The following PLXNA4 variants were observed in gnomAD, a reference collection of about 807,000 sequenced individuals.
PLXNA4 encodes plexin A4.
PLXNA4 carries 44 observed loss-of-function variants against 191.8 expected under a neutral mutation model. The ratio of observed to expected loss-of-function variants is 0.23; its 90% confidence interval spans 0.18 to 0.29. PLXNA4 has a LOEUF of 0.29. PLXNA4 is among the 10% of genes least tolerant of loss of function. The pLI, the probability that PLXNA4 is intolerant of heterozygous loss-of-function variation, is 1.00. For missense variants in PLXNA4, 1,800 were observed against 2,488.8 expected (o/e 0.72, Z 5.89); for synonymous variants, 1,082 against 1,009.5 (o/e 1.07, Z -1.36).
At chr7:132,269,762 T>C (rs1308365730) in intron 4 of PLXNA4, among the ~76,000 whole-genome samples, 1 of 152,216 alleles carries the variant, frequency 6.6e-6, no homozygotes, top group African/African-American at 2.4e-5. Flanking sequence ...CTTCATTTTG[T>C]TGTCCTTTTC....
At chr7:132,635,406 CCT>C (rs1186844349) in intron 2 of PLXNA4, among the ~76,000 whole-genome samples, 1 of 151,874 alleles carries the variant, frequency 6.6e-6, no homozygotes, top group African/African-American at 2.4e-5. Flanking sequence ...GGATATGGCC[CCT>C]GTCCCCAGGA....
chr7:132,623,494 T>C (rs1803312655), intron 2 of PLXNA4, among the ~76,000 whole-genome samples: 1 of 152,124 alleles, frequency 6.6e-6, no homozygotes, highest in African/African-American at 2.4e-5. Context: ...AATGGGACTT[T>C]AAAAAGGACT....
intron 2 of PLXNA4, among the ~76,000 whole-genome samples, chr7:132,608,518 A>G (rs1336331008): frequency 6.6e-6 from 1 of 152,188 alleles, no homozygotes; most frequent in Non-Finnish European, 1.5e-5. Flanking sequence ...TCTCAGAGAA[A>G]GCTGGCCCAA....
chr7:132,413,905 C>A (rs560081585), intron 3 of PLXNA4, among the ~76,000 whole-genome samples: 255 of 152,304 alleles, frequency 1.7e-3, no homozygotes, highest in Non-Finnish European at 2.9e-3. Context: ...CAACATGTAG[C>A]CATCAAGCTG....
intron 20 of PLXNA4, 123 bp from the exon 21 acceptor site, chr7:132,175,043 C>A (rs1170144116): frequency 1.4e-6 from 2 of 1,430,380 alleles, no homozygotes; most frequent in African/African-American, 1.4e-5. Flanking sequence ...CCACGATGGG[C>A]GGGAATAACT....
chr7:132,601,329 TGA>T (rs1263318317), intron 2 of PLXNA4, among the ~76,000 whole-genome samples: 1 of 151,450 alleles, frequency 6.6e-6, no homozygotes, highest in Non-Finnish European at 1.5e-5. Flanking sequence ...GTAGAGCCCG[TGA>T]GAGATTCCCC....
chr7:132,292,371 C>T (rs1002752677), intron 4 of PLXNA4, among the ~76,000 whole-genome samples: 1 of 152,136 alleles, frequency 6.6e-6, no homozygotes, highest in Non-Finnish European at 1.5e-5. Context: ...AGAGCAGCCC[C>T]TGCCCACCAA....
chr7:132,507,785 A>T lies in PLXNA4; in HGVS notation c.909T>A (p.Ser303Arg). Residue 303 changes from serine (S) to arginine (R), a missense_variant, in exon 2 of 32, where the codon AGT becomes AGA. Around this residue, in one of 6 missense-constraint regions of PLXNA4, gnomAD observed 1,397 missense variants for 1,880.4 expected, o/e 0.74. Transcript: ENST00000321063. ...CCTGCAGCAGGCGGTACTCCACCCCACTGCGCTCACAGCCAATGGGCACCT... is the reference window on the plus strand; with the variant it reads ...CCTGCAGCAGGCGGTACTCCACCCCTCTGCGCTCACAGCCAATGGGCACCT... Reference protein sequence around the residue: ...YVEVPIGCERSGVEYRLLQAA... With the variant: ...YVEVPIGCERRGVEYRLLQAA... 1 of 1,614,108 alleles carries T rather than the reference A, an allele frequency of 6.2e-7. No individual in the cohort carries two copies. Among genetic ancestry groups the T allele is most frequent in the East Asian group, 2.2e-5 (1 of 44,880 alleles).
intron 9 of PLXNA4, among the ~76,000 whole-genome samples, chr7:132,217,897 C>CTTTTTTTT: frequency 2.3e-5 from 1 of 43,422 alleles, no homozygotes; most frequent in Non-Finnish European, 3.7e-5. Flanking sequence ...GCTGGATTTG[C>CTTTTTTTT]TTTTTTTTTT....
At chr7:132,629,855 CTCT>C (rs1205381969) in intron 2 of PLXNA4, among the ~76,000 whole-genome samples, 2 of 148,400 alleles carry the variant, frequency 1.3e-5, no homozygotes, top group Non-Finnish European at 3.0e-5. Context: ...AGTGTCTCTT[CTCT>C]TTTTTTTTTG....
At chr7:132,184,234 G>C (rs537149930) in intron 16 of PLXNA4, among the ~76,000 whole-genome samples, 1 of 152,308 alleles carries the variant, frequency 6.6e-6, no homozygotes, top group South Asian at 2.1e-4. Flanking sequence ...GGAGGGGGCT[G>C]AGCCAGGCAG....
chr7:132,208,120 T>C (rs144200492), intron 10 of PLXNA4, among the ~76,000 whole-genome samples: 3 of 152,330 alleles, frequency 2.0e-5, no homozygotes, highest in African/African-American at 4.8e-5. Flanking sequence ...AGATATTTGA[T>C]GGAAATTGCT....
chr7:132,413,657 ATG>A (rs1794550924), intron 3 of PLXNA4, among the ~76,000 whole-genome samples: 1 of 152,340 alleles, frequency 6.6e-6, no homozygotes, highest in Middle Eastern at 3.4e-3. Context: ...CTGCTGGTTT[ATG>A]TGTGTGGCCC....
Position 132,182,137 on chromosome 7 carries a change from GGGTTCTGTATGA to G in PLXNA4, c.3200_3211del (p.Leu1067_Asn1070del). 2 of 1,614,184 alleles carry G rather than the reference GGGTTCTGTATGA, an allele frequency of 1.2e-6. No individual in the cohort carries two copies. The highest frequency in any genetic ancestry group is 1.7e-6 in the Non-Finnish European group (2 of 1,180,042). On this transcript the variant is annotated inframe_deletion, in exon 17 of 32. Transcript: ENST00000321063. The stretch of plus-strand genomic sequence containing the variant: ...CCCTCCATGCTTGGCACGGATCTGG[GGGTTCTGTATGA>G]GGTCCAGGTGGGTCCCCCATACGGC...
At chr7:132,279,225 A>T (rs921486383) in intron 4 of PLXNA4, among the ~76,000 whole-genome samples, 7 of 152,332 alleles carry the variant, frequency 4.6e-5, no homozygotes, top group Middle Eastern at 3.4e-3. Flanking sequence ...CAGCTGGAAG[A>T]TACCTTGTTC....
chr7:132,273,259 A>C (rs909320914), intron 4 of PLXNA4, among the ~76,000 whole-genome samples: 2 of 152,020 alleles, frequency 1.3e-5, no homozygotes, highest in African/African-American at 4.8e-5. Context: ...ATAATACACT[A>C]AGCTCACACT....
intron 2 of PLXNA4, among the ~76,000 whole-genome samples, chr7:132,621,532 T>C (rs1479149306): frequency 1.3e-5 from 2 of 152,218 alleles, no homozygotes; most frequent in African/African-American, 4.8e-5. Flanking sequence ...GTGCTGGGAT[T>C]ACAGGCATGA....
intron 1 of PLXNA4, among the ~76,000 whole-genome samples, chr7:132,538,285 G>T (rs140451461): frequency 6.6e-6 from 1 of 152,120 alleles, no homozygotes; most frequent in Non-Finnish European, 1.5e-5. Context: ...GGAGACACTC[G>T]GGCCCCATGA....
intron 30 of PLXNA4, among the ~76,000 whole-genome samples, chr7:132,134,990 G>T (rs1002711164): frequency 1.3e-5 from 2 of 152,150 alleles, no homozygotes; most frequent in South Asian, 4.2e-4. Flanking sequence ...GTATAAAATT[G>T]CAGCGAGACT....
Sources: allele counts gnomAD v4.1 joint callset (sites outside exome capture counted in the v4.1 genomes callset), GRCh38; gene constraint gnomAD v4.1.1; regional missense constraint gnomAD v4.1.1; transcripts MANE v1.5; gene names NCBI Gene and HGNC (gene_info 2026-07-23, HGNC 2026-07-21).